The following HOXA3 variants were observed in gnomAD, a reference collection of about 807,000 sequenced individuals.
HOXA3 encodes the protein homeobox protein Hox-A3.
In HOXA3, 8 loss-of-function variants were observed where a neutral mutation model predicts 30.3. The ratio of observed to expected loss-of-function variants is 0.26; its 90% CI spans 0.15 to 0.48. The LOEUF (loss-of-function observed/expected upper bound fraction) is 0.48. HOXA3 is among the 20% of genes least tolerant of loss of function. The probability of loss-of-function intolerance (pLI) is 0.99; values close to 1 mark genes in which losing one functional copy is unlikely to be tolerated. For synonymous variants in HOXA3, 323 were observed against 273.1 expected, an observed-to-expected ratio of 1.18 and a Z score of -1.80; for missense variants, 653 against 614.4, an observed-to-expected ratio of 1.06 and a Z score of -0.66.
chr7:27,124,540 T>C (rs1785191830), intron 3 of HOXA3: 1 of 152,232 alleles, frequency 6.6e-6, no homozygotes, highest in Non-Finnish European at 1.5e-5. Flanking sequence ...GAGGGCTCTC[T>C]CCTGCCTTCC....
intron 2 of HOXA3, among the ~76,000 whole-genome samples, chr7:27,138,219 A>C (rs1785772219): frequency 6.6e-6 from 1 of 152,172 alleles, no homozygotes; most frequent in Non-Finnish European, 1.5e-5. Flanking sequence ...GGTTACACAC[A>C]ATGACTTCAG....
At chr7:27,129,160 A>C in intron 2 of HOXA3, 1 of 977,744 alleles carries the variant, frequency 1.0e-6, no homozygotes, top group Non-Finnish European at 1.7e-6. Context: ...TGGATGAGGA[A>C]CGGAGCAGGA....
At position 27,138,242 on chromosome 7, in the gene HOXA3, T is replaced by TG. The variant is rs946574123; in HGVS notation, c.-390+1840dup. Among the ~76,000 whole-genome samples, 123 of 152,330 alleles carry TG rather than the reference T, an allele frequency of 8.1e-4. 1 individual carries two copies. Among genetic ancestry groups the TG allele is most frequent in the African/African-American group, 2.8e-3 (115 of 41,578 alleles). ...ACAATGACTTCAGGATTCTTCACCT[T>TG]GCCACTATTCATGAGAAGTAGCACT... On this transcript the variant is annotated intron_variant, in intron 2 of 5. Coordinates refer to ENST00000612286, the MANE Select transcript of HOXA3 (RefSeq NM_153631.3).
At chr7:27,144,508 T>C (rs937274651) in intron 1 of HOXA3, among the ~76,000 whole-genome samples, 1 of 152,218 alleles carries the variant, frequency 6.6e-6, no homozygotes, top group Non-Finnish European at 1.5e-5. Flanking sequence ...TTTGCTTACG[T>C]ATCCAGCCTG....
intron 1 of HOXA3, chr7:27,141,500 CG>C (rs1293552358): frequency 1.7e-5 from 4 of 235,584 alleles, no homozygotes; most frequent in African/African-American, 9.3e-5. Context: ...TGGCACTAAA[CG>C]AGATTGAAGG....
intron 4 of HOXA3, among the ~76,000 whole-genome samples, chr7:27,118,717 G>A (rs1341155040): frequency 6.6e-6 from 1 of 152,180 alleles, no homozygotes; most frequent in Non-Finnish European, 1.5e-5. Context: ...CGGACAAGCT[G>A]GATCCTGCAC....
chr7:27,120,024 G>A lies in HOXA3; in HGVS notation c.-121+2535C>T, dbSNP rs73071554. 5.9e-3 allele frequency among the ~76,000 whole-genome samples: 900 copies of A among 152,068 alleles called. 7 individuals carry two copies. Among genetic ancestry groups the A allele is most frequent in the Non-Finnish European group, 0.011 (727 of 67,988 alleles). The stretch of plus-strand genomic sequence containing the variant: ...GAGTAGAAGCTGGTTTCCAAAAAGC[G>A]TTCTCCTGACCCCCAAGAACTCACT... On this transcript the variant is annotated intron_variant, in intron 4 of 5. Coordinates refer to ENST00000612286, the MANE Select transcript of HOXA3 (RefSeq NM_153631.3).
At chr7:27,119,855 A>T (rs1465633175) in intron 4 of HOXA3, among the ~76,000 whole-genome samples, 1 of 152,184 alleles carries the variant, frequency 6.6e-6, no homozygotes, top group African/African-American at 2.4e-5. Flanking sequence ...AGCTGGTGAC[A>T]ATATTTCAGT....
chr7:27,140,988 G>C (rs1038918702), intron 1 of HOXA3: 1 of 152,042 alleles, frequency 6.6e-6, no homozygotes, highest in Non-Finnish European at 1.5e-5. Context: ...CAGCTTCCAA[G>C]ACTGCACAGA....
In HOXA3 at chr7:27,107,658, G is replaced by A. The variant is rs1285973411; in HGVS notation, c.*257C>T. On this transcript the variant is annotated 3_prime_UTR_variant, in exon 6 of 6. Coordinates refer to ENST00000612286, the MANE Select transcript of HOXA3 (RefSeq NM_153631.3). ...AGAAGGTAAAGGGTGCAGGGCCAGT[G>A]GCCTATCGAGGAGCAGGAAGAGATA... 5.1e-6 allele frequency: 2 copies of A among 394,830 alleles called. No homozygotes were observed. Among genetic ancestry groups the A allele is most frequent in the African/African-American group, 4.1e-5 (2 of 48,680 alleles). The allele number at this position is 394,830 out of a possible 1,614,324, so 24.5% of individuals were successfully genotyped here.
At chr7:27,117,779 A>G (rs1208384317) in intron 4 of HOXA3, among the ~76,000 whole-genome samples, 1 of 150,686 alleles carries the variant, frequency 6.6e-6, no homozygotes, top group African/African-American at 2.4e-5. Flanking sequence ...CTCCCAGGCA[A>G]TCTAGCCCTG....
chr7:27,125,108 G>A (rs1320695512), intron 3 of HOXA3, among the ~76,000 whole-genome samples: 3 of 152,222 alleles, frequency 2.0e-5, no homozygotes, highest in Non-Finnish European at 4.4e-5. Flanking sequence ...TCAAGTGTAA[G>A]CTTAGATGCA....
chr7:27,141,522 G>T (rs1045507426), intron 1 of HOXA3: 1 of 182,860 alleles, frequency 5.5e-6, no homozygotes, highest in Non-Finnish European at 1.1e-5. Context: ...GGGACTTTTT[G>T]TGTGTTTTTT....
chr7:27,132,746 T>C (rs1785598895), intron 2 of HOXA3, among the ~76,000 whole-genome samples: 1 of 152,162 alleles, frequency 6.6e-6, no homozygotes, highest in South Asian at 2.1e-4. Flanking sequence ...AAAAATAATA[T>C]ACACATAGGT....
chr7:27,128,268 G>A (rs1785367715), intron 2 of HOXA3: 1 of 152,198 alleles, frequency 6.6e-6, no homozygotes, highest in South Asian at 2.1e-4. Context: ...GGGAAGAAGA[G>A]GAGCCCTCTC....
intron 4 of HOXA3, among the ~76,000 whole-genome samples, chr7:27,119,344 G>T (rs185094031): frequency 6.6e-6 from 1 of 152,096 alleles, no homozygotes; most frequent in East Asian, 1.9e-4. Flanking sequence ...ACTCAAAGAT[G>T]AGAAAGAGCC....
rs1785071139 is a variant in HOXA3, at chr7:27,122,545, G to A, written c.-121+14C>T. The A allele has an allele frequency of 6.6e-6, 1 of 152,202 alleles. No individual in the cohort carries two copies. The highest frequency in any genetic ancestry group is 2.4e-5 in the African/African-American group (1 of 41,452). 9.4% of individuals were successfully genotyped at this position (152,202 alleles called of 1,614,324 possible). On this transcript the variant is annotated intron_variant, in intron 4 of 5. Transcript: ENST00000612286. ...AAAGTCCCACGCGGCGAAGAGTTTTGGAGCAGCGCTTACCTAGAAAGATGT... is the reference window on the plus strand; with the variant it reads ...AAAGTCCCACGCGGCGAAGAGTTTTAGAGCAGCGCTTACCTAGAAAGATGT...
In HOXA3 at chr7:27,113,308, A is replaced by G. The variant is rs887372837; in HGVS notation, c.-120-2548T>C. On this transcript the variant is annotated intron_variant, in intron 4 of 5. Transcript: ENST00000612286. The surrounding 1 kb of genome is among the most constrained non-coding windows in gnomAD (Gnocchi z 4.8). The stretch of plus-strand genomic sequence containing the variant: ...CCTTCAGACATCGCTCCCTCTTCCC[A>G]TTCCCTCCTCTTTCTTAGCCTTCCC... 6.6e-6 allele frequency among the ~76,000 whole-genome samples: 1 copy of G among 152,048 alleles called. No homozygotes were observed. Among genetic ancestry groups the G allele is most frequent in the Non-Finnish European group, 1.5e-5 (1 of 68,008 alleles).
At chr7:27,124,928 C>T (rs1368486701) in intron 3 of HOXA3, among the ~76,000 whole-genome samples, 5 of 152,176 alleles carry the variant, frequency 3.3e-5, no homozygotes, top group East Asian at 1.9e-4. Context: ...GTCCACTGCT[C>T]TCCGAGATGC....
Sources: gnomAD v4.1 joint callset for allele counts (sites outside exome capture counted in the v4.1 genomes callset) on GRCh38, gnomAD v4.1.1 for gene constraint, Gnocchi (gnomAD v3.1) non-coding constraint, MANE v1.5 for transcripts, NCBI Gene and HGNC (gene_info 2026-07-23, HGNC 2026-07-21) for gene names.